MCF2L2: variants seen among roughly 807,000 people sequenced by gnomAD.
MCF2L2 encodes the protein probable guanine nucleotide exchange factor MCF2L2.
Under a neutral mutation model 150.2 loss-of-function variants are expected in MCF2L2, and 102 were observed. The observed-to-expected ratio is 0.68, with a 90% CI of 0.58 to 0.80. The LOEUF (loss-of-function observed/expected upper bound fraction) is 0.80. Ranked by LOEUF, MCF2L2 falls within the 30% of genes least tolerant of loss-of-function variation. The probability of loss-of-function intolerance (pLI) is 0.00; values close to 1 mark genes in which losing one functional copy is unlikely to be tolerated. For synonymous variants in MCF2L2, 465 were observed against 491.3 expected, an observed-to-expected ratio of 0.95 and a Z score of 0.71; for missense variants, 1,256 against 1,372.8, an observed-to-expected ratio of 0.91 and a Z score of 1.34.
chr3:183,371,682 T>C (rs1712895006), intron 3 of MCF2L2, among the ~76,000 whole-genome samples: 2 of 151,666 alleles, frequency 1.3e-5, no homozygotes, highest in African/African-American at 4.8e-5. Flanking sequence ...TTCACCATGT[T>C]GGCCAGGCTG....
chr3:183,186,433 ATTT>A (rs1480363096), intron 27 of MCF2L2, among the ~76,000 whole-genome samples: 1 of 152,128 alleles, frequency 6.6e-6, no homozygotes, highest in African/African-American at 2.4e-5. Flanking sequence ...TTTAAAAAAA[ATTT>A]TTTGTAGGTC....
rs372729033 is a variant in MCF2L2 at position 183,421,652 on chromosome 3, GCAGTTTCTGATGCCT to G, written c.76+6235_76+6249del. On this transcript the variant is annotated intron_variant, in intron 1 of 29. Coordinates refer to ENST00000328913, the MANE Select transcript of MCF2L2 (RefSeq NM_015078.4). ...ATCTGACACCTGGGCTTTCTCACAG[GCAGTTTCTGATGCCT>G]GCTTTTTGTTTATTTAAGGGTCACA... Among the ~76,000 whole-genome samples the G allele has an allele frequency of 2.9e-3, 447 of 152,268 alleles. 4 individuals are homozygous for G. The highest frequency in any genetic ancestry group is 0.01 in the African/African-American group (426 of 41,552).
At position 183,297,284 on chromosome 3, in the gene MCF2L2, T is replaced by C. The variant is rs994860637; in HGVS notation, c.1306-117A>G. 1.1e-4 allele frequency: 97 copies of C among 907,994 alleles called. 1 individual carries two copies. In the Middle Eastern group the frequency reaches 1.4e-3, roughly 13 times the overall value. 56.2% of individuals were successfully genotyped at this position (907,994 alleles called of 1,614,324 possible). Reference sequence around the variant, plus strand: ...ACAAGGATTCCCAGACAATGGGAAATTGTCATGGGACGGCATCGAGTTTAA... The same window carrying C: ...ACAAGGATTCCCAGACAATGGGAAACTGTCATGGGACGGCATCGAGTTTAA... On this transcript the variant is annotated intron_variant, in intron 11 of 29. Transcript: ENST00000328913.
chr3:183,385,432 T>C (rs968475190), intron 2 of MCF2L2, among the ~76,000 whole-genome samples: 7 of 152,262 alleles, frequency 4.6e-5, no homozygotes, highest in Non-Finnish European at 1.0e-4. Flanking sequence ...CTGGGAGCCC[T>C]ACCCTCCACC....
In MCF2L2 at chr3:183,195,265, T is replaced by A. The variant is rs539180941; in HGVS notation, c.2885-10A>T. On this transcript the variant is annotated splice_polypyrimidine_tract_variant and intron_variant, in intron 25 of 29. Coordinates refer to ENST00000328913, the MANE Select transcript of MCF2L2 (RefSeq NM_015078.4). ...TGTGGATTTCCTTGGTCTAAAATTT[T>A]AAAAAACAAAAAACAGCACTCTCAA... The A allele has an allele frequency of 5.6e-6, 9 of 1,597,310 alleles. No homozygotes were observed. The African/African-American group carries it at 9.5e-5, about 17-fold the overall frequency.
At chr3:183,257,802 CTTTTTTCCG>C (rs1315183183) in intron 15 of MCF2L2, among the ~76,000 whole-genome samples, 2 of 152,006 alleles carry the variant, frequency 1.3e-5, no homozygotes, top group African/African-American at 2.4e-5. Flanking sequence ...TTCTGATCTC[CTTTTTTCCG>C]TTTTTTCCCT....
At chr3:183,334,415 C>T (rs930263346) in intron 5 of MCF2L2, among the ~76,000 whole-genome samples, 4 of 152,032 alleles carry the variant, frequency 2.6e-5, no homozygotes, top group African/African-American at 7.2e-5. Context: ...AAATTCACAT[C>T]ACCAATAGGG....
At chr3:183,342,620 ATGTGTGTG>A (rs57683720) in intron 3 of MCF2L2, among the ~76,000 whole-genome samples, 10,679 of 142,870 alleles carry the variant, frequency 0.075, 447 homozygotes, top group Non-Finnish European at 0.097. Context: ...TGAAGATTAA[ATGTGTGTG>A]TGTGTGTGTG....
Position 183,270,462 on chromosome 3 carries a change from C to T in MCF2L2, c.1862+6410G>A, listed in dbSNP as rs760733397. The T allele has an allele frequency of 5.6e-6, 9 of 1,614,136 alleles. No homozygotes were observed. Among genetic ancestry groups the T allele is most frequent in the Admixed American group, 1.7e-5 (1 of 60,014 alleles). On this transcript the variant is annotated intron_variant, in intron 15 of 29. Coordinates refer to ENST00000328913, the MANE Select transcript of MCF2L2 (RefSeq NM_015078.4). This position sits in a 1 kb window ranked among gnomAD's most constrained non-coding sequence, Gnocchi z 4.5. ...TGGTGTTCAAGACTTTTGGATTGGT[C>T]GTGTTCATCGTGGTGCCCCTCCCAT... is the stretch of plus-strand genomic sequence containing the variant.
chr3:183,398,049 G>C (rs571962555), intron 1 of MCF2L2, among the ~76,000 whole-genome samples: 1 of 152,250 alleles, frequency 6.6e-6, no homozygotes, highest in East Asian at 1.9e-4. Flanking sequence ...ATGTATAGAG[G>C]TACTGCCTAA....
chr3:183,323,645 A>T (rs1729907071), intron 5 of MCF2L2, among the ~76,000 whole-genome samples: 3 of 151,864 alleles, frequency 2.0e-5, no homozygotes, highest in Non-Finnish European at 2.9e-5. Context: ...AATAAAAAAA[A>T]AAATTAGCCA....
chr3:183,271,908 C>T (rs944974144), intron 15 of MCF2L2: 1 of 167,646 alleles, frequency 6.0e-6, no homozygotes, highest in African/African-American at 2.4e-5. Flanking sequence ...TGTCTAAATC[C>T]TTGTACTGAT....
At chr3:183,312,890 T>C (rs1729442370) in intron 7 of MCF2L2, among the ~76,000 whole-genome samples, 1 of 152,208 alleles carries the variant, frequency 6.6e-6, no homozygotes, top group African/African-American at 2.4e-5. Flanking sequence ...AGCTGGCCCT[T>C]CAGGGTTCTT....
intron 3 of MCF2L2, among the ~76,000 whole-genome samples, chr3:183,347,776 T>C (rs1341790199): frequency 6.6e-6 from 1 of 152,228 alleles, no homozygotes; most frequent in Non-Finnish European, 1.5e-5. Context: ...AAGACATTTA[T>C]GTGGCCAACA....
intron 3 of MCF2L2, among the ~76,000 whole-genome samples, chr3:183,347,091 G>A (rs933821414): frequency 5.3e-5 from 8 of 152,188 alleles, no homozygotes; most frequent in East Asian, 3.9e-4. Context: ...AAAAGAGCCC[G>A]TATAGCTAAG....
chr3:183,385,525 A>C (rs1577111893), intron 2 of MCF2L2, among the ~76,000 whole-genome samples: 5 of 152,352 alleles, frequency 3.3e-5, no homozygotes, highest in African/African-American at 1.2e-4. Flanking sequence ...TTTCTTCATC[A>C]ATTATTTTCA....
intron 5 of MCF2L2, among the ~76,000 whole-genome samples, chr3:183,334,359 C>T (rs938648446): frequency 1.3e-5 from 2 of 152,126 alleles, no homozygotes; most frequent in Admixed American, 1.3e-4. Flanking sequence ...GGGAAAGAAT[C>T]TATTTAATAT....
chr3:183,426,435 T>C (rs1227787861), intron 1 of MCF2L2, among the ~76,000 whole-genome samples: 1 of 152,244 alleles, frequency 6.6e-6, no homozygotes, highest in African/African-American at 2.4e-5. Flanking sequence ...AATGTCTGTA[T>C]AATCACAGTG....
chr3:183,428,316 G>T lies in MCF2L2; in HGVS notation c.-339C>A, dbSNP rs1023487678. The T allele has an allele frequency of 3.4e-6, 1 of 296,644 alleles. No homozygotes were observed. Among genetic ancestry groups the T allele is most frequent in the Non-Finnish European group, 6.3e-6 (1 of 158,894 alleles). 18.4% of individuals were successfully genotyped at this position (296,644 alleles called of 1,614,324 possible). A position where few individuals can be genotyped will look rare whatever the true frequency, so the allele number is the denominator to read the frequency against. ...CGAGCTCCGGGGCTTCCAGAATCGC[G>T]GTCCCGGCCGCCAGGTTTCCGGCGC... is the stretch of plus-strand genomic sequence containing the variant. On this transcript the variant is annotated 5_prime_UTR_variant, in exon 1 of 30. Transcript: ENST00000328913. This position sits in a 1 kb window ranked among gnomAD's most constrained non-coding sequence, Gnocchi z 5.1.
Sources: gnomAD v4.1 joint callset for allele counts (sites outside exome capture counted in the v4.1 genomes callset) on GRCh38, gnomAD v4.1.1 for gene constraint, Gnocchi (gnomAD v3.1) non-coding constraint, MANE v1.5 for transcripts, NCBI Gene and HGNC (gene_info 2026-07-23, HGNC 2026-07-21) for gene names.